Variants in EYS observed in about 807,000 individuals in gnomAD.
EYS encodes the protein EGF-like photoreceptor maintenance factor, also known as protein eyes shut homolog.
Under a neutral mutation model 282.1 loss-of-function variants are expected in EYS, and 250 were observed. The observed-to-expected ratio is 0.89, with a 90% CI of 0.80 to 0.98. EYS has a LOEUF of 0.98. Among genes scored for constraint, EYS ranks in the 50% least tolerant of loss-of-function variants. The pLI is 0.00. For synonymous variants in EYS, 1,355 were observed against 1,282.9 expected (o/e 1.06, Z -1.20); for missense variants, 4,016 against 3,709.0 (o/e 1.08, Z -2.15).
chr6:64,161,219 T>C (rs1056570751), intron 31 of EYS, among the ~76,000 whole-genome samples: 2 of 152,204 alleles, frequency 1.3e-5, no homozygotes, highest in Admixed American at 6.5e-5. Flanking sequence ...TTCTATAGTG[T>C]ACACTTTGTA....
At chr6:64,882,677 A>T (rs980852722) in intron 19 of EYS, among the ~76,000 whole-genome samples, 7 of 151,666 alleles carry the variant, frequency 4.6e-5, no homozygotes, top group Non-Finnish European at 1.0e-4. Context: ...ATTATTACAG[A>T]TGCATAATGT....
At chr6:64,231,286 A>G (rs1011746497) in intron 30 of EYS, among the ~76,000 whole-genome samples, 1 of 152,096 alleles carries the variant, frequency 6.6e-6, no homozygotes, top group Non-Finnish European at 1.5e-5. Flanking sequence ...ATACCCATAA[A>G]TATTCCCTAA....
intron 28 of EYS, among the ~76,000 whole-genome samples, chr6:64,425,657 G>GAAA (rs34577912): frequency 1.0e-3 from 70 of 67,756 alleles, no homozygotes; most frequent in Middle Eastern, 0.011. Context: ...TCCATCCCAG[G>GAAA]AAAAAAAAAA....
intron 22 of EYS, among the ~76,000 whole-genome samples, chr6:64,802,022 TC>T (rs1562199356): frequency 0.012 from 1,601 of 130,742 alleles, 9 homozygotes; most frequent in Non-Finnish European, 0.015. Context: ...AATTTCTTTT[TC>T]TTTTTTTTTC....
chr6:64,039,601 A>G (rs1770288420), intron 33 of EYS, among the ~76,000 whole-genome samples: 1 of 152,202 alleles, frequency 6.6e-6, no homozygotes, highest in South Asian at 2.1e-4. Context: ...TACTAACTGG[A>G]ATAAAATATG....
chr6:64,129,291 T>G (rs981948534), intron 31 of EYS, among the ~76,000 whole-genome samples: 11 of 152,216 alleles, frequency 7.2e-5, no homozygotes, highest in African/African-American at 2.7e-4. Context: ...ACCTGTTGTT[T>G]CCTGACATTT....
intron 14 of EYS, among the ~76,000 whole-genome samples, chr6:64,981,592 A>G (rs1052474174): frequency 2.6e-5 from 4 of 151,362 alleles, no homozygotes; most frequent in African/African-American, 9.7e-5. Flanking sequence ...AAGCATAGAA[A>G]GATGACATAA....
intron 30 of EYS, among the ~76,000 whole-genome samples, chr6:64,268,636 T>C (rs1767842070): frequency 6.6e-6 from 1 of 152,162 alleles, no homozygotes. Flanking sequence ...TGGAAGTATA[T>C]ATTAATGTTA....
At position 63,995,198 on chromosome 6, in the gene EYS, G is replaced by A. The variant is rs1767780030; in HGVS notation, c.6834+3877C>T. Among the ~76,000 whole-genome samples the A allele has an allele frequency of 2.6e-5, 4 of 151,706 alleles. No homozygotes were observed. The South Asian group carries it at 8.3e-4, about 31-fold the overall frequency. On this transcript the variant is annotated intron_variant, in intron 34 of 42. Transcript: ENST00000503581. Reference sequence around the variant, plus strand: ...TAGCAATGAACAAACACACAAAGCAGACAAACAAAACCCCAGTATAACCTG... The same window carrying A: ...TAGCAATGAACAAACACACAAAGCAAACAAACAAAACCCCAGTATAACCTG...
At chr6:64,374,152 G>T (rs985255880) in intron 29 of EYS, among the ~76,000 whole-genome samples, 2 of 146,914 alleles carry the variant, frequency 1.4e-5, no homozygotes, top group African/African-American at 5.0e-5. Flanking sequence ...CTGAAAGCTG[G>T]TGCCAAATTC....
intron 13 of EYS, among the ~76,000 whole-genome samples, chr6:65,030,598 T>C (rs994165802): frequency 2.0e-5 from 3 of 152,158 alleles, no homozygotes; most frequent in Non-Finnish European, 4.4e-5. Flanking sequence ...CAGTGAAGCA[T>C]GTTGGCTGAC....
intron 12 of EYS, among the ~76,000 whole-genome samples, chr6:65,217,280 G>T (rs1246462822): frequency 6.6e-6 from 1 of 151,990 alleles, no homozygotes; most frequent in African/African-American, 2.4e-5. Context: ...ATAAATTTAA[G>T]ACTGTAGCAA....
intron 2 of EYS, among the ~76,000 whole-genome samples, chr6:65,497,619 T>C (rs1337667522): frequency 1.3e-5 from 2 of 152,028 alleles, no homozygotes; most frequent in Non-Finnish European, 2.9e-5. Context: ...TCATATTTTA[T>C]TCGAGAGCAA....
intron 22 of EYS, among the ~76,000 whole-genome samples, chr6:64,741,233 A>G (rs538259543): frequency 6.6e-6 from 1 of 152,256 alleles, no homozygotes; most frequent in African/African-American, 2.4e-5. Flanking sequence ...ATTCTTGTAC[A>G]TCTCCATCAG....
chr6:65,562,359 A>G (rs1379133398), intron 2 of EYS, among the ~76,000 whole-genome samples: 2 of 152,066 alleles, frequency 1.3e-5, no homozygotes, highest in Non-Finnish European at 2.9e-5. Context: ...GAAGAGGAAG[A>G]GTTAATATAT....
In EYS at chr6:63,825,824, C is replaced by A. The variant is rs541493172; in HGVS notation, c.7229-19452G>T. Among the ~76,000 whole-genome samples the A allele has an allele frequency of 2.0e-5, 3 of 152,260 alleles. No homozygotes were observed. The East Asian group carries it at 5.8e-4, about 29-fold the overall frequency. On this transcript the variant is annotated intron_variant, in intron 36 of 42. Transcript: ENST00000503581. ...CAGAAAACCAACCCTAGTAATATGA[C>A]AAAACAAGGCTCATCAACACCCCTC...
At chr6:64,013,917 C>T (rs1768763533) in intron 33 of EYS, among the ~76,000 whole-genome samples, 1 of 152,044 alleles carries the variant, frequency 6.6e-6, no homozygotes, top group South Asian at 2.1e-4. Flanking sequence ...GAATATTACC[C>T]TAAAACCTAC....
At chr6:65,691,522 T>C (rs1452037789) in intron 1 of EYS, among the ~76,000 whole-genome samples, 2 of 150,174 alleles carry the variant, frequency 1.3e-5, no homozygotes, top group Admixed American at 1.3e-4. Flanking sequence ...TATTCTCCCA[T>C]TCTGTAGGCT....
intron 12 of EYS, among the ~76,000 whole-genome samples, chr6:65,058,918 C>CT (rs1453318060): frequency 2.0e-5 from 3 of 151,886 alleles, no homozygotes; most frequent in African/African-American, 4.8e-5. Context: ...AACATTCCTT[C>CT]TTTTTTTAAA....
Sources: allele counts gnomAD v4.1 joint callset (sites outside exome capture counted in the v4.1 genomes callset), GRCh38; gene constraint gnomAD v4.1.1; transcripts MANE v1.5; gene names NCBI Gene and HGNC (gene_info 2026-07-23, HGNC 2026-07-21).